PITX3: variants seen among roughly 807,000 people sequenced by gnomAD.
The protein encoded by PITX3 is pituitary homeobox 3.
PITX3 carries 4 observed loss-of-function variants against 14.2 expected under a neutral mutation model. That is an observed-to-expected ratio of 0.28 (90% CI 0.14 to 0.65). The LOEUF (loss-of-function observed/expected upper bound fraction) is 0.65. PITX3 is among the 30% of genes least tolerant of loss of function. The pLI is 0.82. For missense variants in PITX3, 358 were observed against 426.8 expected (o/e 0.84, Z 1.42); for synonymous variants, 194 against 204.5 (o/e 0.95, Z 0.44).
At chr10:102,236,079 A>G (rs567906703) in intron 1 of PITX3, among the ~76,000 whole-genome samples, 1 of 152,204 alleles carries the variant, frequency 6.6e-6, no homozygotes, top group East Asian at 1.9e-4. Context: ...CAATAGAGAG[A>G]TGGAAGGGTG....
At chr10:102,235,909 C>G (rs2070381524) in intron 1 of PITX3, among the ~76,000 whole-genome samples, 1 of 152,200 alleles carries the variant, frequency 6.6e-6, no homozygotes, top group Admixed American at 6.5e-5. Flanking sequence ...CAGAGTAACC[C>G]AAGCTGGGAG....
rs1564990966 is a variant in PITX3, at chr10:102,230,387, G to C, written c.*127C>G. On this transcript the variant is annotated 3_prime_UTR_variant, in exon 4 of 4. Coordinates refer to ENST00000370002, the MANE Select transcript of PITX3 (RefSeq NM_005029.4). Reference sequence around the variant, plus strand: ...GGGGAAGGCCCTCTCCTGAGCCGGTGCCCCCCAGCTGCCCAAACACCCCTT... The same window carrying C: ...GGGGAAGGCCCTCTCCTGAGCCGGTCCCCCCCAGCTGCCCAAACACCCCTT... 7.9e-6 allele frequency: 11 copies of C among 1,398,620 alleles called. No individual in the cohort carries two copies. Among genetic ancestry groups the C allele is most frequent in the Non-Finnish European group, 9.6e-6 (10 of 1,038,016 alleles). The allele number at this position is 1,398,620 out of a possible 1,614,324, so 86.6% of individuals were successfully genotyped here.
chr10:102,233,717 C>A (rs765987522), intron 1 of PITX3, among the ~76,000 whole-genome samples: 1 of 152,226 alleles, frequency 6.6e-6, no homozygotes, highest in African/African-American at 2.4e-5. Flanking sequence ...CCTGCACCGA[C>A]ACACACTGCA....
intron 1 of PITX3, among the ~76,000 whole-genome samples, chr10:102,240,007 G>C (rs991371247): frequency 3.9e-5 from 6 of 152,262 alleles, no homozygotes; most frequent in Admixed American, 1.3e-4. Flanking sequence ...GTGGTGTTGG[G>C]ACTGGTAGGG....
chr10:102,231,208 G>A, intron 3 of PITX3, 107 bp from the exon 4 acceptor site: 1 of 1,096,336 alleles, frequency 9.1e-7, no homozygotes, highest in East Asian at 2.7e-5. Flanking sequence ...GTCAATAAAC[G>A]AGATGAGGTG....
chr10:102,232,813 T>C (rs2070285797), intron 1 of PITX3, among the ~76,000 whole-genome samples: 1 of 152,242 alleles, frequency 6.6e-6, no homozygotes, highest in Admixed American at 6.5e-5. Flanking sequence ...CAGCCAATCA[T>C]ACCTGAGACA....
chr10:102,239,067 G>A (rs574093053), intron 1 of PITX3, among the ~76,000 whole-genome samples: 2 of 152,128 alleles, frequency 1.3e-5, no homozygotes, highest in Non-Finnish European at 2.9e-5. Context: ...TGCATATCTA[G>A]GTCTTTTATT....
At position 102,231,025 on chromosome 10, in the gene PITX3, A is replaced by T. The variant is rs2070217070; in HGVS notation, c.398T>A (p.Phe133Tyr). ...CACCAGCCCCCCGAGCGGCGCCGCGAAGCTGCCTTTGCATAGCTCGGCCTG... is the reference window on the plus strand; with the variant it reads ...CACCAGCCCCCCGAGCGGCGCCGCGTAGCTGCCTTTGCATAGCTCGGCCTG... ...SQQAELCKGS[F>Y]AAPLGGLVPP... is the part of the protein sequence containing the mutation. Residue 133 changes from phenylalanine (F) to tyrosine (Y), a missense_variant, in exon 4 of 4, where the codon TTC becomes TAC. Physicochemically the swap from Phe to Tyr is conservative, Grantham distance 22. Transcript: ENST00000370002. 3 of 1,600,626 alleles carry T rather than the reference A, an allele frequency of 1.9e-6. No individual in the cohort carries two copies. The East Asian group carries it at 6.8e-5, about 36-fold the overall frequency.
Position 102,232,110 on chromosome 10 carries a change from C to T in PITX3, c.-12-18G>A, listed in dbSNP as rs1261574731. ...GGAGGGCTCTGGAGGCGAGAGAAGA[C>T]ACAGACCAGGGTAATGGGGGTAAAA... On this transcript the variant is annotated intron_variant, in intron 1 of 3. Transcript: ENST00000370002. 7.1e-7 allele frequency: 1 copy of T among 1,406,202 alleles called. No homozygotes were observed. The highest frequency in any genetic ancestry group is 2.3e-5 in the East Asian group (1 of 43,224). 87.1% of individuals were successfully genotyped at this position (1,406,202 alleles called of 1,614,324 possible).
intron 1 of PITX3, among the ~76,000 whole-genome samples, chr10:102,237,662 G>C (rs1485481261): frequency 6.6e-6 from 1 of 152,186 alleles, no homozygotes; most frequent in Non-Finnish European, 1.5e-5. Flanking sequence ...GCTGCCACTA[G>C]TATGAAATTG....
intron 1 of PITX3, among the ~76,000 whole-genome samples, chr10:102,233,148 T>C (rs191495382): frequency 6.6e-5 from 10 of 152,274 alleles, no homozygotes; most frequent in Non-Finnish European, 1.5e-4. Flanking sequence ...CTCAGAACGC[T>C]TGTTTTCTCA....
At position 102,230,627 on chromosome 10, in the gene PITX3, T is replaced by G. The variant is rs756894989; in HGVS notation, c.796A>C (p.Ser266Arg). 6.2e-7 allele frequency: 1 copy of G among 1,608,394 alleles called. No homozygotes were observed. Among genetic ancestry groups the G allele is most frequent in the Non-Finnish European group, 8.5e-7 (1 of 1,177,788 alleles). Reference sequence around the variant, plus strand: ...TGCTGTTTGGCTTTGAGCCGCAGGCTGGCCAGGCTCGAGTTACACGGGTCC... The same window carrying G: ...TGCTGTTTGGCTTTGAGCCGCAGGCGGGCCAGGCTCGAGTTACACGGGTCC... ...YRDPCNSSLASLRLKAKQHAS... is the reference protein window; with the variant it reads ...YRDPCNSSLARLRLKAKQHAS... The change falls in exon 4 of 4, where the codon AGC becomes CGC. Residue 266 changes from serine (S) to arginine (R), a missense_variant. Physicochemically the swap from Ser to Arg is moderately radical, Grantham distance 110. This residue lies in a region of PITX3 where 236 missense variants were observed against 250.2 expected (regional missense o/e 0.94). Transcript: ENST00000370002.
intron 1 of PITX3, among the ~76,000 whole-genome samples, chr10:102,235,770 C>A (rs1293197293): frequency 6.6e-6 from 1 of 152,192 alleles, no homozygotes; most frequent in Non-Finnish European, 1.5e-5. Flanking sequence ...GACTCTGTAT[C>A]CTCCAGTGAA....
chr10:102,231,877 TC>T, intron 2 of PITX3, 85 bp downstream of exon 2: 2 of 1,567,234 alleles, frequency 1.3e-6, no homozygotes, highest in Non-Finnish European at 8.7e-7. Flanking sequence ...ACTCGCTGGC[TC>T]CCACCGGGGC....
intron 1 of PITX3, among the ~76,000 whole-genome samples, chr10:102,233,856 A>G (rs1361433854): frequency 6.6e-6 from 1 of 152,110 alleles, no homozygotes; most frequent in African/African-American, 2.4e-5. Context: ...ATTGCCCAGG[A>G]GCCTCCCAGG....
intron 3 of PITX3, among the ~76,000 whole-genome samples, chr10:102,231,384 C>T (rs1383251694): frequency 2.0e-5 from 3 of 152,046 alleles, no homozygotes; most frequent in Non-Finnish European, 4.4e-5. Context: ...GCCGAAGAAG[C>T]GCGCGGTCCG....
Position 102,232,103 on chromosome 10 carries a change from G to A in PITX3, c.-12-11C>T, listed in dbSNP as rs781567410. On this transcript the variant is annotated splice_polypyrimidine_tract_variant and intron_variant, in intron 1 of 3. Transcript: ENST00000370002. ...CATGGAGGGAGGGCTCTGGAGGCGA[G>A]AGAAGACACAGACCAGGGTAATGGG... is the stretch of plus-strand genomic sequence containing the variant. 3 of 1,459,748 alleles carry A rather than the reference G, an allele frequency of 2.1e-6. No individual in the cohort carries two copies. The highest frequency in any genetic ancestry group is 2.8e-6 in the Non-Finnish European group (3 of 1,056,456). The allele number at this position is 1,459,748 out of a possible 1,614,324, so 90.4% of individuals were successfully genotyped here.
chr10:102,238,326 C>T (rs1049413420), intron 1 of PITX3, among the ~76,000 whole-genome samples: 1 of 152,326 alleles, frequency 6.6e-6, no homozygotes, highest in South Asian at 2.1e-4. Flanking sequence ...CACCACAAGT[C>T]AGCTCTAGCC....
chr10:102,236,092 G>T (rs2070386455), intron 1 of PITX3, among the ~76,000 whole-genome samples: 1 of 152,126 alleles, frequency 6.6e-6, no homozygotes, highest in Non-Finnish European at 1.5e-5. Context: ...GAAGGGTGGG[G>T]GCATAGACCT....
Sources: gnomAD v4.1 joint callset for allele counts (sites outside exome capture counted in the v4.1 genomes callset) on GRCh38, gnomAD v4.1.1 for gene constraint, gnomAD v4.1.1 regional missense constraint, MANE v1.5 for transcripts, NCBI Gene and HGNC (gene_info 2026-07-23, HGNC 2026-07-21) for gene names.